The following RUNX2 variants were observed in gnomAD, a reference collection of about 807,000 sequenced individuals.
The protein encoded by RUNX2 is runt-related transcription factor 2.
A neutral mutation model predicts 51.7 loss-of-function variants in RUNX2; 10 were observed. The ratio of observed to expected loss-of-function variants is 0.19; its 90% CI spans 0.12 to 0.33. RUNX2 has a LOEUF of 0.33. Ranked by LOEUF, RUNX2 falls within the 10% of genes least tolerant of loss-of-function variation. The pLI is 1.00. For missense variants in RUNX2, 562 were observed against 691.3 expected (o/e 0.81, Z 2.10); for synonymous variants, 276 against 273.6 (o/e 1.01, Z -0.09).
At chr6:45,503,463 T>C (rs1800858781) in intron 6 of RUNX2, among the ~76,000 whole-genome samples, 1 of 152,178 alleles carries the variant, frequency 6.6e-6, no homozygotes, top group South Asian at 2.1e-4. Context: ...ACTGCCCATA[T>C]CTGATTTCCT....
chr6:45,331,126 T>TGTGTGC (rs1554347257), intron 2 of RUNX2, among the ~76,000 whole-genome samples: 2 of 132,822 alleles, frequency 1.5e-5, no homozygotes, highest in African/African-American at 5.4e-5. Context: ...TGTGTGTGTG[T>TGTGTGC]GCGCGCGCGC....
intron 5 of RUNX2, among the ~76,000 whole-genome samples, chr6:45,485,362 C>G (rs1800242496): frequency 6.6e-6 from 1 of 151,814 alleles, no homozygotes; most frequent in South Asian, 2.1e-4. Context: ...GCCATCACGC[C>G]TGGCTAATTT....
chr6:45,518,575 T>A lies in RUNX2; in HGVS notation c.1021+6168T>A, dbSNP rs145275732. Reference sequence around the variant, plus strand: ...TAAGCTTGGTTGTATGATTAATTACTGTTATTTGTAGCTACACTGAGATAC... The same window carrying A: ...TAAGCTTGGTTGTATGATTAATTACAGTTATTTGTAGCTACACTGAGATAC... On this transcript the variant is annotated intron_variant, in intron 7 of 8. Coordinates refer to ENST00000647337, the MANE Select transcript of RUNX2 (RefSeq NM_001024630.4). Among the ~76,000 whole-genome samples the A allele has an allele frequency of 2.8e-4, 42 of 152,298 alleles. No individual in the cohort carries two copies. In the East Asian group the frequency reaches 7.5e-3, roughly 27 times the overall value.
chr6:45,328,343 A>C lies in RUNX2; in HGVS notation c.-184A>C. Reference sequence around the variant, plus strand: ...TGTGAATGCTTCATTCGCCTCACAAACAACCACAGAACCACAAGTGCGGTG... The same window carrying C: ...TGTGAATGCTTCATTCGCCTCACAACCAACCACAGAACCACAAGTGCGGTG... On this transcript the variant is annotated 5_prime_UTR_variant, in exon 1 of 9. Transcript: ENST00000647337. 7.2e-7 allele frequency: 1 copy of C among 1,379,406 alleles called. No homozygotes were observed. The highest frequency in any genetic ancestry group is 9.7e-7 in the Non-Finnish European group (1 of 1,030,314). The allele number at this position is 1,379,406 out of a possible 1,614,324, so 85.4% of individuals were successfully genotyped here.
intron 2 of RUNX2, among the ~76,000 whole-genome samples, chr6:45,395,376 A>T (rs1468055745): frequency 6.6e-6 from 1 of 152,178 alleles, no homozygotes; most frequent in East Asian, 1.9e-4. Context: ...TCAGTGATAG[A>T]ATGACATACT....
intron 2 of RUNX2, among the ~76,000 whole-genome samples, chr6:45,407,781 T>C (rs1797868487): frequency 1.3e-5 from 2 of 152,290 alleles, no homozygotes; most frequent in African/African-American, 4.8e-5. Context: ...ATTATAGGCA[T>C]GAGCCACTGT....
At chr6:45,375,763 A>G (rs1796691561) in intron 2 of RUNX2, among the ~76,000 whole-genome samples, 2 of 152,106 alleles carry the variant, frequency 1.3e-5, no homozygotes, top group African/African-American at 4.8e-5. Context: ...ACCGCTACCT[A>G]TAAAGGTTTT....
intron 2 of RUNX2, among the ~76,000 whole-genome samples, chr6:45,342,548 G>A (rs12205468): frequency 0.23 from 34,575 of 151,994 alleles, 4,619 homozygotes; most frequent in Non-Finnish European, 0.31. Context: ...CATAAGCCAC[G>A]ACACCCAGCC....
intron 5 of RUNX2, among the ~76,000 whole-genome samples, chr6:45,473,557 A>G (rs1346897175): frequency 6.6e-6 from 1 of 152,132 alleles, no homozygotes; most frequent in East Asian, 1.9e-4. Context: ...AAGGAAATTT[A>G]CCTTACATTC....
rs146009417 is a variant in RUNX2, at chr6:45,416,777, G to C, written c.59-5816G>C. 3.6e-3 allele frequency among the ~76,000 whole-genome samples: 548 copies of C among 152,242 alleles called. 6 individuals carry two copies. The highest frequency in any genetic ancestry group is 0.013 in the African/African-American group (531 of 41,534). On this transcript the variant is annotated intron_variant, in intron 2 of 8. Transcript: ENST00000647337. ...GTCAAACAAAATATATACCTCTTTA[G>C]TCAGTACCATGCCTGAAGAGTAATT...
chr6:45,425,095 A>C (rs143894962), intron 3 of RUNX2, among the ~76,000 whole-genome samples: 2 of 152,274 alleles, frequency 1.3e-5, no homozygotes, highest in East Asian at 3.9e-4. Flanking sequence ...AAAACAGCAA[A>C]AAATACAAAT....
intron 2 of RUNX2, chr6:45,377,796 G>A: frequency 6.5e-6 from 1 of 153,094 alleles, no homozygotes; most frequent in Non-Finnish European, 1.5e-5. Context: ...TGGAGGCACT[G>A]CTGCGCTTCC....
At chr6:45,334,803 T>C (rs1788237801) in intron 2 of RUNX2, among the ~76,000 whole-genome samples, 1 of 151,174 alleles carries the variant, frequency 6.6e-6, no homozygotes, top group South Asian at 2.1e-4. Flanking sequence ...TATAGTTCTG[T>C]CATGAAATAT....
Position 45,549,352 on chromosome 6 carries a change from G to A in RUNX2, c.*2047G>A, listed in dbSNP as rs1802498655. The A allele has an allele frequency of 2.5e-6, 1 of 398,454 alleles. No homozygotes were observed. The highest frequency in any genetic ancestry group is 2.1e-5 in the African/African-American group (1 of 48,618). The allele number at this position is 398,454 out of a possible 1,614,324, so 24.7% of individuals were successfully genotyped here. ...GTAGGCCACCCAGCATTGCAGGACA[G>A]CGTGTGGGGCAGCTGGACCTGTGCT... On this transcript the variant is annotated 3_prime_UTR_variant, in exon 9 of 9. Coordinates refer to ENST00000647337, the MANE Select transcript of RUNX2 (RefSeq NM_001024630.4).
At chr6:45,391,836 G>C (rs1223894576) in intron 2 of RUNX2, among the ~76,000 whole-genome samples, 2 of 152,136 alleles carry the variant, frequency 1.3e-5, no homozygotes, top group Non-Finnish European at 2.9e-5. Context: ...GGGGATTATG[G>C]GGATAAAAAT....
At chr6:45,414,713 T>C (rs1798025080) in intron 2 of RUNX2, among the ~76,000 whole-genome samples, 1 of 151,532 alleles carries the variant, frequency 6.6e-6, no homozygotes, top group African/African-American at 2.4e-5. Context: ...ATTTTGCTTT[T>C]CTGATTCTGT....
At chr6:45,415,006 G>A (rs1351837520) in intron 2 of RUNX2, among the ~76,000 whole-genome samples, 1 of 151,714 alleles carries the variant, frequency 6.6e-6, no homozygotes, top group Non-Finnish European at 1.5e-5. Flanking sequence ...CTAATTATAG[G>A]CTTATAATTA....
rs1466734535 is a variant in RUNX2, at chr6:45,445,319, C to T, written c.685+7268C>T. Among the ~76,000 whole-genome samples, 4 of 152,088 alleles carry T rather than the reference C, an allele frequency of 2.6e-5. No homozygotes were observed. In the East Asian group the frequency reaches 5.8e-4, roughly 22 times the overall value. On this transcript the variant is annotated intron_variant, in intron 5 of 8. Transcript: ENST00000647337. The stretch of plus-strand genomic sequence containing the variant: ...GATTATAGGTGTGAGCCACCGCGCC[C>T]GGCCCAGGAAGATGCTTATTTAGAG...
In RUNX2 at chr6:45,464,020, C is replaced by T. The variant is rs62400357; in HGVS notation, c.685+25969C>T. On this transcript the variant is annotated intron_variant, in intron 5 of 8. Transcript: ENST00000647337. ...CATCCTGGTTAACACAGTGAAACCC[C>T]GTCCCTACTAAAAATACAAAAAATT... is the stretch of plus-strand genomic sequence containing the variant. Among the ~76,000 whole-genome samples the T allele has an allele frequency of 2.6e-3, 397 of 152,138 alleles. 1 individual carries two copies. The highest frequency in any genetic ancestry group is 4.1e-3 in the Non-Finnish European group (278 of 67,996).
Sources: gnomAD v4.1 joint callset for allele counts (sites outside exome capture counted in the v4.1 genomes callset) on GRCh38, gnomAD v4.1.1 for gene constraint, MANE v1.5 for transcripts, NCBI Gene and HGNC (gene_info 2026-07-23, HGNC 2026-07-21) for gene names.